The following HPSE2 variants were observed in gnomAD, a reference collection of about 807,000 sequenced individuals.
HPSE2 encodes the protein inactive heparanase-2.
Under a neutral mutation model 60.5 loss-of-function variants are expected in HPSE2, and 38 were observed. That is an observed-to-expected ratio of 0.63 (90% confidence interval 0.48 to 0.82). The LOEUF (loss-of-function observed/expected upper bound fraction) is 0.82. Ranked by LOEUF, HPSE2 falls within the 40% of genes least tolerant of loss-of-function variation. The probability of loss-of-function intolerance (pLI) is 0.00; values close to 1 mark genes in which losing one functional copy is unlikely to be tolerated. For missense variants in HPSE2, 713 were observed against 740.4 expected (o/e 0.96, Z 0.43); for synonymous variants, 295 against 293.2 (o/e 1.01, Z -0.06).
intron 3 of HPSE2, among the ~76,000 whole-genome samples, chr10:99,009,132 A>G (rs764167090): frequency 2.2e-4 from 34 of 151,528 alleles, no homozygotes; most frequent in Non-Finnish European, 4.0e-4. Flanking sequence ...GAGGCCAGAC[A>G]CAGTGGCTCA....
At chr10:98,836,733 G>A (rs1482198083) in intron 3 of HPSE2, among the ~76,000 whole-genome samples, 2 of 152,124 alleles carry the variant, frequency 1.3e-5, no homozygotes, top group Non-Finnish European at 2.9e-5. Context: ...AAATTATGTA[G>A]GATAATCTTT....
At chr10:98,557,607 A>G (rs1389581991) in intron 9 of HPSE2, among the ~76,000 whole-genome samples, 1 of 152,204 alleles carries the variant, frequency 6.6e-6, no homozygotes, top group Non-Finnish European at 1.5e-5. Context: ...CATAAAGAAA[A>G]AAATGGATAA....
intron 3 of HPSE2, among the ~76,000 whole-genome samples, chr10:98,790,061 G>C (rs984534026): frequency 2.0e-5 from 3 of 152,022 alleles, no homozygotes; most frequent in Non-Finnish European, 4.4e-5. Context: ...TAAGAGATGA[G>C]AGAAAGTCAG....
chr10:99,216,927 C>T (rs1048921042), intron 2 of HPSE2, among the ~76,000 whole-genome samples: 25 of 152,048 alleles, frequency 1.6e-4, no homozygotes, highest in Non-Finnish European at 3.4e-4. Flanking sequence ...ATTAAAACAC[C>T]TCAACAAGTA....
At chr10:98,532,870 C>A (rs922324) in intron 9 of HPSE2, among the ~76,000 whole-genome samples, 60,113 of 151,966 alleles carry the variant, frequency 0.4, 14,500 homozygotes, top group Admixed American at 0.52. Context: ...GTCTATTTGG[C>A]CTTTATTGCT....
intron 4 of HPSE2, 140 bp downstream of exon 4, chr10:98,743,743 G>A (rs1429256855): frequency 4.0e-6 from 3 of 754,068 alleles, no homozygotes; most frequent in Non-Finnish European, 7.1e-6. Flanking sequence ...CTACCATTTG[G>A]ATAGTCAACT....
chr10:99,096,986 A>G (rs1843740217), intron 3 of HPSE2, among the ~76,000 whole-genome samples: 1 of 152,190 alleles, frequency 6.6e-6, no homozygotes, highest in South Asian at 2.1e-4. Flanking sequence ...GTCCTGACAA[A>G]ACTGCATCTA....
intron 3 of HPSE2, among the ~76,000 whole-genome samples, chr10:98,920,047 G>C (rs949561942): frequency 2.6e-5 from 4 of 152,134 alleles, no homozygotes; most frequent in Non-Finnish European, 5.9e-5. Flanking sequence ...TCCAGCTGCT[G>C]TATGTTTAGA....
At chr10:99,204,746 A>G (rs556229070) in intron 2 of HPSE2, among the ~76,000 whole-genome samples, 1 of 152,354 alleles carries the variant, frequency 6.6e-6, no homozygotes, top group African/African-American at 2.4e-5. Context: ...AGATTTGGAA[A>G]AATTTGAAAA....
chr10:98,745,511 C>T (rs903237827), intron 3 of HPSE2, among the ~76,000 whole-genome samples: 4 of 152,172 alleles, frequency 2.6e-5, no homozygotes, highest in South Asian at 2.1e-4. Flanking sequence ...CTACAACTCA[C>T]CCATAATTTT....
intron 3 of HPSE2, among the ~76,000 whole-genome samples, chr10:98,762,429 A>G (rs891866222): frequency 2.6e-5 from 4 of 152,198 alleles, no homozygotes; most frequent in African/African-American, 9.7e-5. Context: ...ATTCCCAAGA[A>G]GAGAACACTG....
At chr10:99,048,151 T>G in intron 3 of HPSE2, 1 of 834,968 alleles carries the variant, frequency 1.2e-6, no homozygotes, top group Non-Finnish European at 2.0e-6. Flanking sequence ...CTTTGACAGA[T>G]AACCCTTTGA....
intron 9 of HPSE2, among the ~76,000 whole-genome samples, chr10:98,558,865 G>A (rs1944089423): frequency 6.6e-6 from 1 of 152,050 alleles, no homozygotes; most frequent in South Asian, 2.1e-4. Flanking sequence ...GTGAAGATCT[G>A]TTCATAGTGG....
intron 3 of HPSE2, among the ~76,000 whole-genome samples, chr10:98,755,776 T>G (rs1932736): frequency 4.1e-4 from 63 of 152,198 alleles, no homozygotes; most frequent in African/African-American, 1.5e-3. Flanking sequence ...GGTGGGCAGA[T>G]CACGATGTCA....
intron 7 of HPSE2, among the ~76,000 whole-genome samples, chr10:98,637,358 AGTTG>A (rs1305444606): frequency 6.6e-6 from 1 of 152,210 alleles, no homozygotes; most frequent in African/African-American, 2.4e-5. Flanking sequence ...GCAAAGAACA[AGTTG>A]AGGATAAAGG....
At chr10:98,789,805 T>C (rs1049292620) in intron 3 of HPSE2, among the ~76,000 whole-genome samples, 10 of 152,204 alleles carry the variant, frequency 6.6e-5, no homozygotes, top group African/African-American at 2.4e-4. Context: ...TGGCTAGAGT[T>C]GCCAGATTTA....
intron 3 of HPSE2, among the ~76,000 whole-genome samples, chr10:99,072,635 A>G (rs766834299): frequency 2.6e-5 from 4 of 152,082 alleles, no homozygotes; most frequent in Non-Finnish European, 5.9e-5. Context: ...TGGCAATTAT[A>G]AAAAAGTCAG....
chr10:99,031,192 A>G (rs1957490107), intron 3 of HPSE2, among the ~76,000 whole-genome samples: 3 of 152,158 alleles, frequency 2.0e-5, no homozygotes, highest in Admixed American at 6.5e-5. Context: ...CGGATACCAC[A>G]TTCTCCAAGA....
At chr10:99,056,072 GAA>G (rs1431428192) in intron 3 of HPSE2, among the ~76,000 whole-genome samples, 1 of 151,652 alleles carries the variant, frequency 6.6e-6, no homozygotes, top group Non-Finnish European at 1.5e-5. Context: ...CAAGAATAAG[GAA>G]AAAGACTTTA....
Sources: allele counts gnomAD v4.1 joint callset (sites outside exome capture counted in the v4.1 genomes callset), GRCh38; gene constraint gnomAD v4.1.1; transcripts MANE v1.5; gene names NCBI Gene and HGNC (gene_info 2026-07-23, HGNC 2026-07-21).